The following CLVS1 variants were observed in gnomAD, a reference collection of about 807,000 sequenced individuals.
The protein encoded by CLVS1 is clavesin-1.
CLVS1 carries 10 observed loss-of-function variants against 33.1 expected under a neutral mutation model. The ratio of observed to expected loss-of-function variants is 0.30; its 90% CI spans 0.19 to 0.51. The LOEUF (loss-of-function observed/expected upper bound fraction) is 0.51. Among genes scored for constraint, CLVS1 ranks in the 20% least tolerant of loss-of-function variants. The pLI is 0.97. For missense variants in CLVS1, 343 were observed against 433.4 expected, an observed-to-expected ratio of 0.79 and a Z score of 1.85; for synonymous variants, 163 against 166.1, an observed-to-expected ratio of 0.98 and a Z score of 0.14.
At chr8:61,213,198 A>G (rs1293171905) in intron 2 of CLVS1, among the ~76,000 whole-genome samples, 1 of 150,626 alleles carries the variant, frequency 6.6e-6, no homozygotes, top group African/African-American at 2.5e-5. Flanking sequence ...TTAGGTTCCC[A>G]GTTACTGAAA....
chr8:61,048,444 AG>A, the CLVS1 span, among the ~76,000 whole-genome samples: 1 of 152,150 alleles, frequency 6.6e-6, no homozygotes, highest in Non-Finnish European at 1.5e-5. Flanking sequence ...TAACAGGCAA[AG>A]GGTGGGTTGC....
chr8:60,977,244 A>T, the CLVS1 span, among the ~76,000 whole-genome samples: 1 of 152,242 alleles, frequency 6.6e-6, no homozygotes, highest in African/African-American at 2.4e-5. Context: ...ATAACATAAC[A>T]CTCAAAATAT....
chr8:61,266,156 C>T (rs924641618), intron 2 of CLVS1, among the ~76,000 whole-genome samples: 1 of 152,124 alleles, frequency 6.6e-6, no homozygotes, highest in African/African-American at 2.4e-5. Flanking sequence ...TGAGAAATCC[C>T]TTTACCCTTT....
intron 2 of CLVS1, among the ~76,000 whole-genome samples, chr8:61,221,798 T>C (rs1444849645): frequency 6.6e-6 from 1 of 152,210 alleles, no homozygotes; most frequent in Non-Finnish European, 1.5e-5. Flanking sequence ...AATTCAGCTG[T>C]GAATCCATCT....
chr8:60,970,353 C>T, the CLVS1 span, among the ~76,000 whole-genome samples: 1 of 152,208 alleles, frequency 6.6e-6, no homozygotes, highest in Non-Finnish European at 1.5e-5. Context: ...TCACTAATGT[C>T]CTGGGAATTT....
At chr8:61,374,251 T>G (rs548371398) in intron 2 of CLVS1, among the ~76,000 whole-genome samples, 1 of 152,186 alleles carries the variant, frequency 6.6e-6, no homozygotes, top group Non-Finnish European at 1.5e-5. Flanking sequence ...TCTCTTCTTC[T>G]TCTTTTTCTT....
intron 5 of CLVS1, among the ~76,000 whole-genome samples, chr8:61,476,398 T>C (rs1190241836): frequency 6.6e-6 from 1 of 152,240 alleles, no homozygotes; most frequent in Non-Finnish European, 1.5e-5. Flanking sequence ...AGTATGGCCA[T>C]TTTCATGATA....
chr8:61,272,301 T>C (rs1012250601), intron 2 of CLVS1, among the ~76,000 whole-genome samples: 8 of 152,214 alleles, frequency 5.3e-5, no homozygotes, highest in Admixed American at 5.2e-4. Flanking sequence ...TTCTTGTCTT[T>C]AAGAATGTTG....
chr8:61,383,378 C>T (rs1180526065), intron 3 of CLVS1, among the ~76,000 whole-genome samples: 1 of 152,174 alleles, frequency 6.6e-6, no homozygotes, highest in Non-Finnish European at 1.5e-5. Flanking sequence ...TCAGCAGTAA[C>T]ATTTATAGCA....
intron 2 of CLVS1, among the ~76,000 whole-genome samples, chr8:61,198,499 C>T (rs1254791339): frequency 6.6e-6 from 1 of 152,166 alleles, no homozygotes; most frequent in African/African-American, 2.4e-5. Context: ...CCTGCGTCAG[C>T]CTTCCAAGTA....
At chr8:60,997,992 A>C in the CLVS1 span, among the ~76,000 whole-genome samples, 2 of 152,014 alleles carry the variant, frequency 1.3e-5, no homozygotes, top group South Asian at 4.2e-4. Flanking sequence ...GACGGTGGGA[A>C]GGTTGGGAAC....
chr8:61,250,622 A>C (rs1200032791), intron 2 of CLVS1, among the ~76,000 whole-genome samples: 1 of 152,144 alleles, frequency 6.6e-6, no homozygotes, highest in Non-Finnish European at 1.5e-5. Context: ...CTACTTGAAG[A>C]GGTCCTTCAC....
intron 2 of CLVS1, among the ~76,000 whole-genome samples, chr8:61,267,412 A>C (rs569881922): frequency 5.3e-5 from 8 of 152,230 alleles, no homozygotes; most frequent in Non-Finnish European, 1.2e-4. Context: ...ATAAGCCATA[A>C]ATCCATTCTC....
At chr8:61,373,923 T>C (rs1389935100) in intron 2 of CLVS1, among the ~76,000 whole-genome samples, 2 of 152,192 alleles carry the variant, frequency 1.3e-5, no homozygotes, top group Non-Finnish European at 2.9e-5. Context: ...CACTGGTCTG[T>C]GTGTCTTTCA....
intron 5 of CLVS1, among the ~76,000 whole-genome samples, chr8:61,485,158 A>G (rs1164436333): frequency 2.6e-5 from 4 of 152,132 alleles, no homozygotes; most frequent in Admixed American, 6.5e-5. Context: ...TGAACAGGCA[A>G]CCCACAAAAT....
At chr8:61,177,473 A>T (rs1454172979) in intron 2 of CLVS1, among the ~76,000 whole-genome samples, 1 of 152,154 alleles carries the variant, frequency 6.6e-6, no homozygotes, top group Admixed American at 6.5e-5. Context: ...CTCTCCACCG[A>T]GGGACAATCA....
chr8:61,340,664 C>T (rs1811998993), intron 2 of CLVS1, among the ~76,000 whole-genome samples: 1 of 152,198 alleles, frequency 6.6e-6, no homozygotes, highest in Non-Finnish European at 1.5e-5. Context: ...GATACCATTT[C>T]AACATACTGA....
chr8:61,251,868 C>G (rs1344003312), intron 2 of CLVS1, among the ~76,000 whole-genome samples: 1 of 152,088 alleles, frequency 6.6e-6, no homozygotes, highest in Non-Finnish European at 1.5e-5. Context: ...AAACCAGCTT[C>G]TGAATTCATT....
At chr8:61,237,796 G>A (rs1196632107) in intron 2 of CLVS1, among the ~76,000 whole-genome samples, 5 of 150,718 alleles carry the variant, frequency 3.3e-5, no homozygotes, top group Non-Finnish European at 7.4e-5. Context: ...GACCAAGAAA[G>A]GTTGGGGCCT....
Sources: gnomAD v4.1 joint callset for allele counts (sites outside exome capture counted in the v4.1 genomes callset) on GRCh38, gnomAD v4.1.1 for gene constraint, MANE v1.5 for transcripts, NCBI Gene and HGNC (gene_info 2026-07-23, HGNC 2026-07-21) for gene names.